Variants in PCCA observed in about 807,000 individuals in gnomAD.
The protein encoded by PCCA is propionyl-CoA carboxylase subunit alpha, also known as propionyl-CoA carboxylase alpha chain, mitochondrial.
PCCA carries 74 observed loss-of-function variants against 101.3 expected under a neutral mutation model. That is an observed-to-expected ratio of 0.73 (90% CI 0.61 to 0.89). PCCA has a LOEUF of 0.89. Ranked by LOEUF, PCCA falls within the 40% of genes least tolerant of loss-of-function variation. The probability of loss-of-function intolerance (pLI) is 0.00; values close to 1 mark genes in which losing one functional copy is unlikely to be tolerated. For missense variants in PCCA, 891 were observed against 907.0 expected, an observed-to-expected ratio of 0.98 and a Z score of 0.23; for synonymous variants, 294 against 313.6, an observed-to-expected ratio of 0.94 and a Z score of 0.66.
intron 16 of PCCA, among the ~76,000 whole-genome samples, chr13:100,324,026 CT>C (rs1244969096): frequency 6.6e-6 from 1 of 152,142 alleles, no homozygotes; most frequent in Non-Finnish European, 1.5e-5. Context: ...TCGTAGGTTT[CT>C]TATGCAGCAT....
chr13:100,496,530 C>T (rs2085291857), intron 21 of PCCA, among the ~76,000 whole-genome samples: 1 of 152,026 alleles, frequency 6.6e-6, no homozygotes. Context: ...TCGTTGTCCC[C>T]TCTCGGGAGG....
intron 19 of PCCA, among the ~76,000 whole-genome samples, chr13:100,421,874 G>A (rs1052421853): frequency 2.6e-5 from 4 of 151,928 alleles, no homozygotes; most frequent in African/African-American, 7.2e-5. Flanking sequence ...TAGTTGAGAC[G>A]AGGTTTCACC....
chr13:100,273,417 T>G (rs2063441319), intron 12 of PCCA, 71 bp downstream of exon 12: 7 of 1,244,450 alleles, frequency 5.6e-6, no homozygotes, highest in Non-Finnish European at 8.2e-6. Flanking sequence ...CCTTTTTTGT[T>G]TTATAAATGT....
chr13:100,167,838 C>T (rs924592614), intron 6 of PCCA, among the ~76,000 whole-genome samples: 2 of 152,116 alleles, frequency 1.3e-5, no homozygotes, highest in African/African-American at 4.8e-5. Context: ...GCGATCTCGG[C>T]TCTCTGCAAG....
At position 100,394,103 on chromosome 13, in the gene PCCA, A is replaced by T. The variant is rs1468224803; in HGVS notation, c.1746+25529A>T. On this transcript the variant is annotated intron_variant, in intron 19 of 23. Transcript: ENST00000376285. This position sits in a 1 kb window ranked among gnomAD's most constrained non-coding sequence, Gnocchi z 4.3. ...GTGTTTTGATGTCTTAGCAAAAGGC[A>T]GAGGAGTGCTTTCCTTTGAAATGTG... is the stretch of plus-strand genomic sequence containing the variant. Among the ~76,000 whole-genome samples, 1 of 152,218 alleles carries T rather than the reference A, an allele frequency of 6.6e-6. No homozygotes were observed. Among genetic ancestry groups the T allele is most frequent in the Non-Finnish European group, 1.5e-5 (1 of 68,036 alleles).
At chr13:100,108,540 TTG>T (rs1435224024) in intron 2 of PCCA, among the ~76,000 whole-genome samples, 1 of 152,184 alleles carries the variant, frequency 6.6e-6, no homozygotes, top group African/African-American at 2.4e-5. Context: ...TTCCTTGTAG[TTG>T]CTTAGTGCTA....
intron 6 of PCCA, among the ~76,000 whole-genome samples, chr13:100,196,602 T>A (rs2058117754): frequency 6.6e-6 from 1 of 152,122 alleles, no homozygotes; most frequent in Non-Finnish European, 1.5e-5. Flanking sequence ...GAAATCCAGA[T>A]CCCAGTAATA....
intron 12 of PCCA, among the ~76,000 whole-genome samples, chr13:100,284,871 C>G (rs1303274426): frequency 6.6e-6 from 1 of 152,152 alleles, no homozygotes; most frequent in African/African-American, 2.4e-5. Context: ...GGCCCTAGCC[C>G]AAGATCTAGG....
chr13:100,171,627 G>A (rs1020930705), intron 6 of PCCA, among the ~76,000 whole-genome samples: 4 of 152,292 alleles, frequency 2.6e-5, no homozygotes, highest in Middle Eastern at 3.4e-3. Flanking sequence ...AGTGGCCTAC[G>A]CCTGTAATCC....
At chr13:100,451,274 A>C (rs1311151065) in intron 21 of PCCA, among the ~76,000 whole-genome samples, 2 of 152,206 alleles carry the variant, frequency 1.3e-5, no homozygotes, top group Admixed American at 1.3e-4. Context: ...TCTGGGTACC[A>C]TGGCCTCGTC....
chr13:100,177,865 T>TA, intron 6 of PCCA, among the ~76,000 whole-genome samples: 1 of 152,296 alleles, frequency 6.6e-6, no homozygotes, highest in South Asian at 2.1e-4. Flanking sequence ...CTAAGTAGAC[T>TA]ATATAAAGTA....
intron 18 of PCCA, among the ~76,000 whole-genome samples, chr13:100,368,200 T>C (rs1407831233): frequency 3.9e-5 from 6 of 152,150 alleles, no homozygotes; most frequent in African/African-American, 1.2e-4. Context: ...ACTTATTTCA[T>C]TGTAATTTTT....
At chr13:100,213,213 C>G (rs1383326038) in intron 7 of PCCA, among the ~76,000 whole-genome samples, 2 of 152,036 alleles carry the variant, frequency 1.3e-5, no homozygotes, top group Non-Finnish European at 1.5e-5. Context: ...GTGTAGATAT[C>G]TCTTTGATAG....
rs2067540139 is a variant in PCCA, at chr13:100,317,844, T to A, written c.1429+7936T>A. 2.0e-5 allele frequency among the ~76,000 whole-genome samples: 3 copies of A among 151,982 alleles called. No homozygotes were observed. The South Asian group carries it at 6.2e-4, about 32-fold the overall frequency. On this transcript the variant is annotated intron_variant, in intron 16 of 23. Transcript: ENST00000376285. ...CTCAAGTGACCCACCCACCTCGGTT[T>A]CCCAAAATGTTGCAATAACAGGCAT...
chr13:100,481,205 T>A (rs1159296834), intron 21 of PCCA: 1 of 152,220 alleles, frequency 6.6e-6, no homozygotes, highest in African/African-American at 2.4e-5. Context: ...TGGCTGGTTT[T>A]TGGCATATCC....
At chr13:100,436,138 G>A (rs1254171467) in intron 20 of PCCA, among the ~76,000 whole-genome samples, 1 of 152,020 alleles carries the variant, frequency 6.6e-6, no homozygotes. Flanking sequence ...CCCGGATACC[G>A]AATCTTCTTG....
At chr13:100,137,354 A>C (rs1474447610) in intron 4 of PCCA, among the ~76,000 whole-genome samples, 1 of 152,206 alleles carries the variant, frequency 6.6e-6, no homozygotes, top group Non-Finnish European at 1.5e-5. Flanking sequence ...TATAAATGTC[A>C]GTGAGATACA....
At chr13:100,126,794 A>AT (rs572732135) in intron 4 of PCCA, among the ~76,000 whole-genome samples, 12 of 151,678 alleles carry the variant, frequency 7.9e-5, no homozygotes, top group South Asian at 4.2e-4. Flanking sequence ...GATGAACACC[A>AT]TTTTTTTTTA....
intron 21 of PCCA, among the ~76,000 whole-genome samples, chr13:100,511,038 T>C (rs962493517): frequency 6.6e-6 from 1 of 152,196 alleles, no homozygotes; most frequent in Non-Finnish European, 1.5e-5. Context: ...GATTGGGCCC[T>C]GTGCAGAAGT....
Sources: allele counts gnomAD v4.1 joint callset (sites outside exome capture counted in the v4.1 genomes callset), GRCh38; gene constraint gnomAD v4.1.1; non-coding constraint Gnocchi (gnomAD v3.1); transcripts MANE v1.5; gene names NCBI Gene and HGNC (gene_info 2026-07-23, HGNC 2026-07-21).